The following ATP9B variants were observed in gnomAD, a reference collection of about 807,000 sequenced individuals.
ATP9B encodes the protein ATPase phospholipid transporting 9B.
ATP9B carries 110 observed loss-of-function variants against 146.1 expected under a neutral mutation model. That is an observed-to-expected ratio of 0.75 (90% CI 0.65 to 0.88). The LOEUF is 0.88. ATP9B is among the 40% of genes least tolerant of loss of function. ATP9B has a pLI of 0.00. For missense variants in ATP9B, 1,499 were observed against 1,496.4 expected, an observed-to-expected ratio of 1.00 and a Z score of -0.03; for synonymous variants, 604 against 569.7, an observed-to-expected ratio of 1.06 and a Z score of -0.86.
chr18:79,191,320 T>G (rs1187601421), intron 8 of ATP9B, among the ~76,000 whole-genome samples: 1 of 152,198 alleles, frequency 6.6e-6, no homozygotes, highest in Non-Finnish European at 1.5e-5. Flanking sequence ...ATTTATGTGT[T>G]TAGGGGTTTT....
intron 6 of ATP9B, among the ~76,000 whole-genome samples, chr18:79,147,736 A>C (rs1388189167): frequency 6.6e-6 from 1 of 152,014 alleles, no homozygotes; most frequent in African/African-American, 2.4e-5. Context: ...GTCTTGGGTC[A>C]GTAATCTAAA....
chr18:79,334,208 A>G (rs984380457), intron 17 of ATP9B, among the ~76,000 whole-genome samples: 1 of 151,986 alleles, frequency 6.6e-6, no homozygotes, highest in Admixed American at 6.6e-5. Flanking sequence ...ATACAAAAAA[A>G]ATAGACAGGG....
At chr18:79,180,456 A>G (rs560825255) in intron 8 of ATP9B, among the ~76,000 whole-genome samples, 39 of 152,354 alleles carry the variant, frequency 2.6e-4, no homozygotes, top group Non-Finnish European at 3.7e-4. Flanking sequence ...AGAGTTGTGC[A>G]CAGTAGATGC....
At chr18:79,319,157 C>T (rs949573268) in intron 15 of ATP9B, among the ~76,000 whole-genome samples, 3 of 152,128 alleles carry the variant, frequency 2.0e-5, no homozygotes, top group African/African-American at 7.2e-5. Context: ...AAGGGCTTCT[C>T]GGCTTCACTT....
At chr18:79,224,713 T>A (rs887452053) in intron 11 of ATP9B, among the ~76,000 whole-genome samples, 1 of 152,224 alleles carries the variant, frequency 6.6e-6, no homozygotes, top group African/African-American at 2.4e-5. Context: ...CAAGGCTCTC[T>A]GCTGAGCATG....
At chr18:79,332,945 C>T in intron 17 of ATP9B, 1 of 152,430 alleles carries the variant, frequency 6.6e-6, no homozygotes. Flanking sequence ...CTGCAGCCTC[C>T]AGTCCAACGT....
chr18:79,286,355 T>C (rs1032456262), intron 13 of ATP9B, among the ~76,000 whole-genome samples: 1 of 151,922 alleles, frequency 6.6e-6, no homozygotes, highest in Non-Finnish European at 1.5e-5. Context: ...GTTGGATTCC[T>C]AGGTATTTTA....
chr18:79,107,040 CTT>C (rs2075697637), intron 2 of ATP9B, among the ~76,000 whole-genome samples: 1 of 152,166 alleles, frequency 6.6e-6, no homozygotes, highest in African/African-American at 2.4e-5. Context: ...ATTTGTCTGA[CTT>C]TTGTATACTA....
rs2071428044 is a variant in ATP9B at position 79,069,449 on chromosome 18, AGCG to A, written c.45_47del (p.Ala18del). 1 of 1,514,966 alleles carries A rather than the reference AGCG, an allele frequency of 6.6e-7. No individual in the cohort carries two copies. Among genetic ancestry groups the A allele is most frequent in the Admixed American group, 2.2e-5 (1 of 45,456 alleles). 93.8% of individuals were successfully genotyped at this position (1,514,966 alleles called of 1,614,324 possible). A position where few individuals can be genotyped will look rare whatever the true frequency, so the allele number is the denominator to read the frequency against. On this transcript the variant is annotated inframe_deletion, in exon 1 of 30. Transcript: ENST00000426216. ...TCCCGCTTTACCCGGTGCGTAGCGC[AGCG>A]GCGGCCGCAGCCAACCGCAAACGCG...
At chr18:79,256,390 G>A (rs2096081768) in intron 12 of ATP9B, among the ~76,000 whole-genome samples, 1 of 150,152 alleles carries the variant, frequency 6.7e-6, no homozygotes, top group African/African-American at 2.4e-5. Flanking sequence ...CTAGGTGGTA[G>A]TGGTGTTTTC....
intron 4 of ATP9B, chr18:79,114,915 A>G (rs1253863822): frequency 6.5e-6 from 1 of 153,486 alleles, no homozygotes; most frequent in African/African-American, 2.4e-5. Flanking sequence ...TAAAGAAATA[A>G]TGATTGACTT....
At chr18:79,179,011 CTT>C (rs2147974043) in intron 8 of ATP9B, among the ~76,000 whole-genome samples, 1 of 152,250 alleles carries the variant, frequency 6.6e-6, no homozygotes, top group East Asian at 1.9e-4. Flanking sequence ...TGGGAAAACA[CTT>C]GATTGTGAAT....
At chr18:79,228,518 G>T (rs888530687) in intron 11 of ATP9B, among the ~76,000 whole-genome samples, 1 of 152,130 alleles carries the variant, frequency 6.6e-6, no homozygotes, top group Non-Finnish European at 1.5e-5. Flanking sequence ...TCTGTCATTG[G>T]TTGGGGATTA....
chr18:79,163,869 T>TACACACACAC (rs56408063), intron 7 of ATP9B, among the ~76,000 whole-genome samples: 4,294 of 142,718 alleles, frequency 0.03, 103 homozygotes, highest in East Asian at 0.07. Flanking sequence ...TTTTATTTTA[T>TACACACACAC]ACACACACAC....
At chr18:79,137,774 G>A (rs2094465518) in intron 5 of ATP9B, among the ~76,000 whole-genome samples, 1 of 152,118 alleles carries the variant, frequency 6.6e-6, no homozygotes, top group Non-Finnish European at 1.5e-5. Context: ...CCTTTTCTAG[G>A]CGTCCTCTCC....
chr18:79,219,860 A>G (rs1294207509), intron 11 of ATP9B, among the ~76,000 whole-genome samples: 2 of 152,248 alleles, frequency 1.3e-5, no homozygotes, highest in Non-Finnish European at 2.9e-5. Flanking sequence ...AATTGATGCA[A>G]CATGGTAAGA....
chr18:79,203,946 A>G (rs1266705107), intron 9 of ATP9B, among the ~76,000 whole-genome samples: 2 of 152,240 alleles, frequency 1.3e-5, no homozygotes, highest in African/African-American at 2.4e-5. Flanking sequence ...GTTTGAATGA[A>G]TCAGAAATTG....
rs186324523 is a variant in ATP9B at position 79,367,901 on chromosome 18, G to A, written c.3013-4924G>A. Among the ~76,000 whole-genome samples, 596 of 152,356 alleles carry A rather than the reference G, an allele frequency of 3.9e-3. 2 individuals carry two copies. The highest frequency in any genetic ancestry group is 0.014 in the African/African-American group (564 of 41,586). ...TCATTAAGGACGGGGAGACAGAGGC[G>A]CTGGCCAGATCACAGAGCCCAGGAG... On this transcript the variant is annotated intron_variant, in intron 26 of 29. Transcript: ENST00000426216.
rs2096318490 is a variant in ATP9B, at chr18:79,277,034, C to T, written c.1269-20C>T. ...TGGCTCTGGATCACACTAACCACTG[C>T]AATGGGTTTTATTTGGCAGTTTGCG... On this transcript the variant is annotated intron_variant, in intron 12 of 29. Coordinates refer to ENST00000426216, the MANE Select transcript of ATP9B (RefSeq NM_198531.5). 6.2e-7 allele frequency: 1 copy of T among 1,613,772 alleles called. No individual in the cohort carries two copies. Among genetic ancestry groups the T allele is most frequent in the African/African-American group, 1.3e-5 (1 of 74,872 alleles).
Sources: allele counts gnomAD v4.1 joint callset (sites outside exome capture counted in the v4.1 genomes callset), GRCh38; gene constraint gnomAD v4.1.1; transcripts MANE v1.5; gene names NCBI Gene and HGNC (gene_info 2026-07-23, HGNC 2026-07-21).